Variants in KDM4B observed in about 807,000 individuals in gnomAD.
The protein encoded by KDM4B is lysine-specific demethylase 4B.
Under a neutral mutation model 125.2 loss-of-function variants are expected in KDM4B, and 32 were observed. The observed-to-expected ratio is 0.26, with a 90% CI of 0.19 to 0.34. KDM4B has a LOEUF of 0.34. KDM4B is among the 10% of genes least tolerant of loss of function. The pLI is 1.00. For synonymous variants in KDM4B, 721 were observed against 677.9 expected, an observed-to-expected ratio of 1.06 and a Z score of -0.99; for missense variants, 1,190 against 1,577.7, an observed-to-expected ratio of 0.75 and a Z score of 4.16.
At chr19:5,084,487 ATGT>A (rs2038413179) in intron 9 of KDM4B, among the ~76,000 whole-genome samples, 1 of 135,596 alleles carries the variant, frequency 7.4e-6, no homozygotes, top group East Asian at 2.0e-4. Flanking sequence ...TAAATTATAT[ATGT>A]TATAATTTAT....
At chr19:5,108,819 G>A (rs1318899096) in intron 9 of KDM4B, among the ~76,000 whole-genome samples, 1 of 152,168 alleles carries the variant, frequency 6.6e-6, no homozygotes, top group Non-Finnish European at 1.5e-5. Context: ...GGCAGAGGTC[G>A]GGGCAGCCTG....
At position 5,035,733 on chromosome 19, in the gene KDM4B, C is replaced by G. The variant is rs1280397249; in HGVS notation, c.141+2702C>G. On this transcript the variant is annotated intron_variant, in intron 3 of 22. Transcript: ENST00000159111. This position sits in a 1 kb window ranked among gnomAD's most constrained non-coding sequence, Gnocchi z 5.3. ...CTGCGTGTTCCTTCCCATGCCTCTG[C>G]AGCGGCAGCTCCCATGCTGCTTCTC... Among the ~76,000 whole-genome samples, 2 of 152,144 alleles carry G rather than the reference C, an allele frequency of 1.3e-5. No individual in the cohort carries two copies. Among genetic ancestry groups the G allele is most frequent in the Non-Finnish European group, 2.9e-5 (2 of 68,018 alleles).
chr19:5,031,105 G>A (rs981391423), intron 2 of KDM4B, among the ~76,000 whole-genome samples: 6 of 152,362 alleles, frequency 3.9e-5, no homozygotes, highest in South Asian at 4.1e-4. Flanking sequence ...GGGACAGTGC[G>A]CAGGCCCTGG....
intron 9 of KDM4B, among the ~76,000 whole-genome samples, chr19:5,105,884 A>G (rs1196298828): frequency 6.6e-6 from 1 of 152,260 alleles, no homozygotes. Context: ...ATGTGCCAAT[A>G]AAACTTTATT....
chr19:5,122,544 T>G (rs2039379876), intron 11 of KDM4B, among the ~76,000 whole-genome samples: 1 of 152,266 alleles, frequency 6.6e-6, no homozygotes, highest in South Asian at 2.1e-4. Context: ...GCTAAGTGAT[T>G]GTTTATTAAA....
chr19:5,084,345 G>A (rs1258035019), intron 9 of KDM4B, among the ~76,000 whole-genome samples: 2 of 141,022 alleles, frequency 1.4e-5, no homozygotes, highest in African/African-American at 5.3e-5. Flanking sequence ...TTTATATATT[G>A]TATGTAATTT....
At chr19:5,062,532 T>C (rs2037635830) in intron 6 of KDM4B, among the ~76,000 whole-genome samples, 2 of 152,212 alleles carry the variant, frequency 1.3e-5, no homozygotes, top group African/African-American at 2.4e-5. Flanking sequence ...CTACCAGGTC[T>C]GTGTGTGGCC....
chr19:5,057,174 CTG>C (rs72464304), intron 6 of KDM4B, among the ~76,000 whole-genome samples: 12,260 of 152,184 alleles, frequency 0.081, 535 homozygotes, highest in Middle Eastern at 0.12. Context: ...CCTCTGCACA[CTG>C]TGGTGGTGGC....
chr19:5,065,789 G>A (rs1320486653), intron 6 of KDM4B, among the ~76,000 whole-genome samples: 1 of 152,206 alleles, frequency 6.6e-6, no homozygotes, highest in Non-Finnish European at 1.5e-5. Flanking sequence ...GCACGGCCGG[G>A]GGCTTCTGGG....
At chr19:4,972,110 G>C (rs2034280630) in intron 1 of KDM4B, among the ~76,000 whole-genome samples, 1 of 152,186 alleles carries the variant, frequency 6.6e-6, no homozygotes, top group Non-Finnish European at 1.5e-5. Context: ...TCCTGCCCCA[G>C]GGGTCTCTGT....
chr19:5,102,002 C>A (rs555929227), intron 9 of KDM4B, among the ~76,000 whole-genome samples: 1 of 152,192 alleles, frequency 6.6e-6, no homozygotes, highest in Non-Finnish European at 1.5e-5. Context: ...GGCAGGCGGC[C>A]GCCAGGGTGC....
intron 11 of KDM4B, among the ~76,000 whole-genome samples, chr19:5,130,470 C>G (rs746694148): frequency 6.6e-6 from 1 of 152,204 alleles, no homozygotes; most frequent in Non-Finnish European, 1.5e-5. Context: ...GAGTTCCACG[C>G]GGAAGGGTGT....
intron 10 of KDM4B, among the ~76,000 whole-genome samples, chr19:5,117,743 C>G (rs997290065): frequency 2.0e-5 from 3 of 152,194 alleles, no homozygotes; most frequent in Non-Finnish European, 4.4e-5. Context: ...GTTAGTGACT[C>G]TGGCCCCACG....
chr19:5,028,196 C>T (rs974806597), intron 2 of KDM4B, among the ~76,000 whole-genome samples: 7 of 152,082 alleles, frequency 4.6e-5, no homozygotes, highest in African/African-American at 1.2e-4. Context: ...AGGCTGGTCT[C>T]GAACTCCTGG....
intron 1 of KDM4B, among the ~76,000 whole-genome samples, chr19:4,972,010 C>T (rs1430916353): frequency 6.6e-6 from 1 of 152,196 alleles, no homozygotes; most frequent in Admixed American, 6.5e-5. Context: ...CCGTCCTCAT[C>T]CACAGCCTCA....
chr19:5,044,008 G>A (rs372803842), intron 5 of KDM4B, among the ~76,000 whole-genome samples: 32 of 111,332 alleles, frequency 2.9e-4, no homozygotes, highest in African/African-American at 4.4e-4. Context: ...GGTGTTTATC[G>A]GAGTGGGGTG....
In KDM4B at chr19:5,035,878, T is replaced by TGCGC. The variant is rs951594380; in HGVS notation, c.141+2848_141+2849insCGCG. On this transcript the variant is annotated intron_variant, in intron 3 of 22. Coordinates refer to ENST00000159111, the MANE Select transcript of KDM4B (RefSeq NM_015015.3). The surrounding 1 kb of genome is among the most constrained non-coding windows in gnomAD (Gnocchi z 5.3). Reference sequence around the variant, plus strand: ...GCACGTGTCTCTGTGTGTGTGTGTGTGTGCGCGCGCGCGCGCGCCTGCGCG... The same window carrying TGCGC: ...GCACGTGTCTCTGTGTGTGTGTGTGTGCGCGTGCGCGCGCGCGCGCGCCTGCGCG... Among the ~76,000 whole-genome samples, 11 of 96,914 alleles carry TGCGC rather than the reference T, an allele frequency of 1.1e-4. No homozygotes were observed. Among genetic ancestry groups the TGCGC allele is most frequent in the African/African-American group, 3.5e-4 (11 of 31,718 alleles). 63.6% of individuals were successfully genotyped at this position (96,914 alleles called of 152,430 possible).
At position 5,082,336 on chromosome 19, in the gene KDM4B, C is replaced by A; in HGVS notation, c.781-31C>A. The A allele has an allele frequency of 6.2e-7, 1 of 1,612,622 alleles. No individual in the cohort carries two copies. The highest frequency in any genetic ancestry group is 2.2e-5 in the East Asian group (1 of 44,820). On this transcript the variant is annotated intron_variant, in intron 8 of 22. Transcript: ENST00000159111. This position sits in a 1 kb window ranked among gnomAD's most constrained non-coding sequence, Gnocchi z 5.4. ...ATCCCCTGGTGCGCCTCTGGTGGCC[C>A]TGCCCTCACCTGTCTCCTTTCCCTC...
At chr19:5,009,833 G>A (rs2035674705) in intron 1 of KDM4B, among the ~76,000 whole-genome samples, 1 of 152,092 alleles carries the variant, frequency 6.6e-6, no homozygotes, top group Admixed American at 6.6e-5. Context: ...CCAGGTTCAA[G>A]CGATTCTCCT....
Sources: allele counts gnomAD v4.1 joint callset (sites outside exome capture counted in the v4.1 genomes callset), GRCh38; gene constraint gnomAD v4.1.1; non-coding constraint Gnocchi (gnomAD v3.1); transcripts MANE v1.5; gene names NCBI Gene and HGNC (gene_info 2026-07-23, HGNC 2026-07-21).